Variants in IQSEC1 observed in about 807,000 individuals in gnomAD.
IQSEC1 encodes IQ motif and SEC7 domain-containing protein 1.
In IQSEC1, 31 loss-of-function variants were observed where a neutral mutation model predicts 91.0. The observed-to-expected ratio is 0.34, with a 90% CI of 0.26 to 0.46. IQSEC1 has a LOEUF of 0.46. Among genes scored for constraint, IQSEC1 ranks in the 20% least tolerant of loss-of-function variants. The pLI, the probability that IQSEC1 is intolerant of heterozygous loss-of-function variation, is 1.00. For missense variants in IQSEC1, 1,388 were observed against 1,575.6 expected (o/e 0.88, Z 2.02); for synonymous variants, 699 against 662.6 (o/e 1.05, Z -0.84).
intron 2 of IQSEC1, among the ~76,000 whole-genome samples, chr3:13,163,084 C>T (rs1185586662): frequency 6.6e-6 from 1 of 152,138 alleles, no homozygotes; most frequent in Non-Finnish European, 1.5e-5. Flanking sequence ...CTCTGGTTCC[C>T]TGGAGCCCAA....
At chr3:13,075,514 C>A (rs1705548865), upstream of IQSEC1, among the ~76,000 whole-genome samples, 1 of 152,238 alleles carries the variant, frequency 6.6e-6, no homozygotes, top group African/African-American at 2.4e-5. Context: ...CACCCAGTGT[C>A]CCTTTCCTGG....
At chr3:13,224,160 G>A (rs1313128188) in intron 1 of IQSEC1, among the ~76,000 whole-genome samples, 3 of 152,124 alleles carry the variant, frequency 2.0e-5, no homozygotes, top group Non-Finnish European at 2.9e-5. Flanking sequence ...GGTGCAGAGC[G>A]AGAGCCTACC....
chr3:13,208,957 A>G (rs1694395219), intron 1 of IQSEC1, among the ~76,000 whole-genome samples: 1 of 152,124 alleles, frequency 6.6e-6, no homozygotes, highest in Admixed American at 6.5e-5. Context: ...GGTGGGCAAG[A>G]GTCACACCAA....
At position 12,900,963 on chromosome 3, in the gene IQSEC1, G is replaced by A. The variant is rs952564819; in HGVS notation, c.*20C>T. Reference sequence around the variant, plus strand: ...GGTGTGCAGGTGTTTCAGGGAGCCTGGGACCCCTACCCAGGCTGTCTACAC... The same window carrying A: ...GGTGTGCAGGTGTTTCAGGGAGCCTAGGACCCCTACCCAGGCTGTCTACAC... On this transcript the variant is annotated 3_prime_UTR_variant, in exon 14 of 14. Coordinates refer to ENST00000613206, the MANE Select transcript of IQSEC1 (RefSeq NM_001134382.3). The A allele has an allele frequency of 1.1e-5, 17 of 1,541,852 alleles. No homozygotes were observed. Among genetic ancestry groups the A allele is most frequent in the African/African-American group, 4.1e-5 (3 of 73,020 alleles).
At chr3:13,247,926 G>A (rs1695134954) in intron 1 of IQSEC1, among the ~76,000 whole-genome samples, 1 of 152,186 alleles carries the variant, frequency 6.6e-6, no homozygotes, top group African/African-American at 2.4e-5. Context: ...GGGTTCCAGT[G>A]GGCTCTTTGT....
At chr3:13,003,296 A>AAAC (rs1553675630) in intron 1 of IQSEC1, among the ~76,000 whole-genome samples, 1 of 151,452 alleles carries the variant, frequency 6.6e-6, no homozygotes, top group African/African-American at 2.4e-5. Flanking sequence ...AAAAAAAAAA[A>AAAC]AAAGGAATGA....
intron 2 of IQSEC1, among the ~76,000 whole-genome samples, chr3:13,105,324 C>T (rs1240313387): frequency 6.6e-6 from 1 of 152,166 alleles, no homozygotes; most frequent in East Asian, 1.9e-4. Context: ...CAGCCAGGGG[C>T]AGAGCGAGGC....
chr3:13,029,149 G>A (rs1027072388), intron 1 of IQSEC1, among the ~76,000 whole-genome samples: 5 of 152,226 alleles, frequency 3.3e-5, no homozygotes, highest in Non-Finnish European at 7.3e-5. Flanking sequence ...TTCTGGCTAT[G>A]GCCGTCTTTA....
In IQSEC1 at chr3:12,924,101, C is replaced by A. The variant is rs1297635043; in HGVS notation, c.1730+480G>T. 2.6e-5 allele frequency among the ~76,000 whole-genome samples: 4 copies of A among 152,092 alleles called. No individual in the cohort carries two copies. Among genetic ancestry groups the A allele is most frequent in the African/African-American group, 9.7e-5 (4 of 41,406 alleles). ...GGAGGCAGGTCACTTGATCTGACTC[C>A]CCACCACTCTCCCCAGGGGTGAGTC... is the stretch of plus-strand genomic sequence containing the variant. On this transcript the variant is annotated intron_variant, in intron 4 of 13. Transcript: ENST00000613206. The surrounding 1 kb of genome is among the most constrained non-coding windows in gnomAD (Gnocchi z 6.3).
intron 1 of IQSEC1, among the ~76,000 whole-genome samples, chr3:13,220,470 C>A (rs1198700237): frequency 6.6e-6 from 1 of 152,366 alleles, no homozygotes. Flanking sequence ...CGCTCTGTGG[C>A]CATCATCTAG....
chr3:12,924,557 C>T lies in IQSEC1; in HGVS notation c.1730+24G>A. On this transcript the variant is annotated intron_variant, in intron 4 of 13. Coordinates refer to ENST00000613206, the MANE Select transcript of IQSEC1 (RefSeq NM_001134382.3). This position sits in a 1 kb window ranked among gnomAD's most constrained non-coding sequence, Gnocchi z 6.3. ...GAGGGCGTGTGTGGAATCAGGTCCC[C>T]CACCACCCCCATGCAGAACTTACTC... 6.4e-7 allele frequency: 1 copy of T among 1,559,034 alleles called. No individual in the cohort carries two copies. Among genetic ancestry groups the T allele is most frequent in the South Asian group, 1.2e-5 (1 of 84,544 alleles).
At chr3:12,989,754 TA>T (rs1162949353) in intron 1 of IQSEC1, among the ~76,000 whole-genome samples, 26 of 152,212 alleles carry the variant, frequency 1.7e-4, no homozygotes, top group Admixed American at 1.6e-3. Context: ...TTCTGACTTC[TA>T]AAGTGTTTTT....
chr3:13,231,455 A>G (rs955474874), intron 1 of IQSEC1, among the ~76,000 whole-genome samples: 1 of 152,116 alleles, frequency 6.6e-6, no homozygotes, highest in African/African-American at 2.4e-5. Flanking sequence ...GCAGCCTCAC[A>G]TGGTGGGGAG....
chr3:13,010,384 C>T (rs1436256989), intron 1 of IQSEC1, among the ~76,000 whole-genome samples: 3 of 152,152 alleles, frequency 2.0e-5, no homozygotes, highest in Non-Finnish European at 4.4e-5. Context: ...AGTAGTTCAT[C>T]CCCCCTGCTC....
At chr3:13,063,101 C>T (rs1451537083) in intron 1 of IQSEC1, among the ~76,000 whole-genome samples, 3 of 152,172 alleles carry the variant, frequency 2.0e-5, no homozygotes, top group Non-Finnish European at 4.4e-5. Flanking sequence ...GAGGGAGAGC[C>T]GGGACTCCTG....
intron 13 of IQSEC1, among the ~76,000 whole-genome samples, chr3:12,902,410 C>T (rs1023168068): frequency 4.6e-5 from 7 of 151,230 alleles, no homozygotes; most frequent in South Asian, 2.1e-4. Context: ...GTGGCCCGGG[C>T]GGGGGTGCCG....
intron 1 of IQSEC1, among the ~76,000 whole-genome samples, chr3:13,024,548 C>G (rs1703539159): frequency 6.6e-6 from 1 of 151,394 alleles, no homozygotes; most frequent in Non-Finnish European, 1.5e-5. Flanking sequence ...AATTTGAATT[C>G]ATTGCAAATG....
intron 2 of IQSEC1, among the ~76,000 whole-genome samples, chr3:13,164,087 G>A (rs1228384441): frequency 6.6e-6 from 1 of 152,296 alleles, no homozygotes; most frequent in East Asian, 1.9e-4. Flanking sequence ...ACGGACAGAG[G>A]TGGATGAAGC....
chr3:13,221,523 G>C (rs529873132), intron 1 of IQSEC1, among the ~76,000 whole-genome samples: 1 of 152,198 alleles, frequency 6.6e-6, no homozygotes, highest in Non-Finnish European at 1.5e-5. Context: ...AACTGCCTGC[G>C]GCCAAGCCCC....
Sources: allele counts gnomAD v4.1 joint callset (sites outside exome capture counted in the v4.1 genomes callset), GRCh38; gene constraint gnomAD v4.1.1; non-coding constraint Gnocchi (gnomAD v3.1); transcripts MANE v1.5; gene names NCBI Gene and HGNC (gene_info 2026-07-23, HGNC 2026-07-21).